SH3BP2: variants seen among roughly 807,000 people sequenced by gnomAD.
SH3BP2 encodes SH3 domain binding protein 2.
A neutral mutation model predicts 56.2 loss-of-function variants in SH3BP2; 38 were observed. The ratio of observed to expected loss-of-function variants is 0.68; its 90% CI spans 0.52 to 0.89. SH3BP2 has a LOEUF of 0.89. Ranked by LOEUF, SH3BP2 falls within the 40% of genes least tolerant of loss-of-function variation. SH3BP2 has a pLI of 0.00. For missense variants in SH3BP2, 748 were observed against 762.6 expected (o/e 0.98, Z 0.23); for synonymous variants, 346 against 316.7 (o/e 1.09, Z -0.98).
chr4:2,828,084 C>T (rs923043972), intron 7 of SH3BP2, among the ~76,000 whole-genome samples: 6 of 149,514 alleles, frequency 4.0e-5, no homozygotes, highest in Non-Finnish European at 8.9e-5. Flanking sequence ...TGTCCACCTA[C>T]CTCCTGCAGC....
chr4:2,820,032 C>G (rs967457221), intron 1 of SH3BP2, among the ~76,000 whole-genome samples: 3 of 152,134 alleles, frequency 2.0e-5, no homozygotes, highest in Non-Finnish European at 4.4e-5. Context: ...AAATGGTGGT[C>G]ACGACCACTG....
chr4:2,813,313 T>G (rs527571899), intron 1 of SH3BP2, among the ~76,000 whole-genome samples: 1 of 152,362 alleles, frequency 6.6e-6, no homozygotes, highest in East Asian at 1.9e-4. Flanking sequence ...CACCATTTAC[T>G]GGCTGTGTGA....
rs1725306120 is a variant in SH3BP2 at position 2,838,367 on chromosome 4, T to G, written c.*4533T>G. Reference sequence around the variant, plus strand: ...GCATTGCAGTATTTTCCTGTTTCTGTGCTTTATCCCCTTGAATCATACAGA... The same window carrying G: ...GCATTGCAGTATTTTCCTGTTTCTGGGCTTTATCCCCTTGAATCATACAGA... On this transcript the variant is annotated 3_prime_UTR_variant, in exon 13 of 13. Coordinates refer to ENST00000503393, the MANE Select transcript of SH3BP2 (RefSeq NM_001122681.2). 2 of 152,384 alleles carry G rather than the reference T, an allele frequency of 1.3e-5. No individual in the cohort carries two copies. The highest frequency in any genetic ancestry group is 2.4e-5 in the African/African-American group (1 of 41,594). 9.4% of individuals were successfully genotyped at this position (152,384 alleles called of 1,614,324 possible).
At chr4:2,820,811 T>C in intron 2 of SH3BP2, 58 bp downstream of exon 2, 2 of 1,537,652 alleles carry the variant, frequency 1.3e-6, no homozygotes, top group Non-Finnish European at 1.8e-6. Context: ...GGGCTAGCCA[T>C]GTAAGTAAGC....
intron 4 of SH3BP2, 40 bp from the exon 5 acceptor site, chr4:2,825,086 C>A: frequency 6.5e-7 from 1 of 1,529,524 alleles, no homozygotes; most frequent in Non-Finnish European, 8.9e-7. Context: ...GGGGCCCACC[C>A]TGGTGGCACC....
At chr4:2,820,788 G>C (rs745551524) in intron 2 of SH3BP2, 35 bp downstream of exon 2, 4 of 1,594,072 alleles carry the variant, frequency 2.5e-6, no homozygotes, top group African/African-American at 1.3e-5. Context: ...CACAGTAGGA[G>C]GGCATGGGGG....
Position 2,832,276 on chromosome 4 carries a change from C to T in SH3BP2, c.1407-55C>T, listed in dbSNP as rs372051269. ...GGCTTGGGAGCGGGGCGGGAAGGTCCGTGTGAAAGCTGCCCGAGGAGGACT... is the reference window on the plus strand; with the variant it reads ...GGCTTGGGAGCGGGGCGGGAAGGTCTGTGTGAAAGCTGCCCGAGGAGGACT... On this transcript the variant is annotated intron_variant, in intron 10 of 12. Transcript: ENST00000503393. 186 of 1,430,624 alleles carry T rather than the reference C, an allele frequency of 1.3e-4. 3 individuals carry two copies. The highest frequency in any genetic ancestry group is 1.2e-3 in the Middle Eastern group (7 of 5,704). The allele number at this position is 1,430,624 out of a possible 1,614,324, so 88.6% of individuals were successfully genotyped here. A position where few individuals can be genotyped will look rare whatever the true frequency, so the allele number is the denominator to read the frequency against.
Position 2,831,702 on chromosome 4 carries a change from G to A in SH3BP2, c.1350+23G>A. On this transcript the variant is annotated intron_variant, in intron 9 of 12. Coordinates refer to ENST00000503393, the MANE Select transcript of SH3BP2 (RefSeq NM_001122681.2). This position sits in a 1 kb window ranked among gnomAD's most constrained non-coding sequence, Gnocchi z 4.1. Reference sequence around the variant, plus strand: ...AAGGCAAGGCTGAGCGGCAAGCCTGGGTCCCAGTGGCCAGTAGGTGGACAG... The same window carrying A: ...AAGGCAAGGCTGAGCGGCAAGCCTGAGTCCCAGTGGCCAGTAGGTGGACAG... 1 of 1,555,218 alleles carries A rather than the reference G, an allele frequency of 6.4e-7. No homozygotes were observed. The highest frequency in any genetic ancestry group is 1.2e-5 in the South Asian group (1 of 86,282).
At chr4:2,812,038 T>G (rs1161746474) in intron 1 of SH3BP2, 1 of 556,836 alleles carries the variant, frequency 1.8e-6, no homozygotes, top group Non-Finnish European at 2.8e-6. Context: ...AGCAGGGAGC[T>G]TCCTCCCAGG....
chr4:2,793,458 A>G (rs1223964461), intron 1 of SH3BP2, among the ~76,000 whole-genome samples: 2 of 144,286 alleles, frequency 1.4e-5, no homozygotes, highest in African/African-American at 5.2e-5. Flanking sequence ...TCCTTGCCAA[A>G]GGACGCACGG....
chr4:2,828,735 T>A (rs1017256582), intron 7 of SH3BP2, among the ~76,000 whole-genome samples: 4 of 152,154 alleles, frequency 2.6e-5, no homozygotes, highest in Admixed American at 1.3e-4. Flanking sequence ...TGTACCCCCT[T>A]CATCCTCTCC....
At chr4:2,813,026 C>T (rs975288200) in intron 1 of SH3BP2, among the ~76,000 whole-genome samples, 6 of 152,182 alleles carry the variant, frequency 3.9e-5, no homozygotes, top group Non-Finnish European at 7.4e-5. Context: ...CCAGGCTGGG[C>T]CACCCTGCCC....
rs184056245 is a variant in SH3BP2 at position 2,802,675 on chromosome 4, A to G, written c.-5+9537A>G. Among the ~76,000 whole-genome samples the G allele has an allele frequency of 2.8e-3, 416 of 145,988 alleles. 4 individuals carry two copies. In the East Asian group the frequency reaches 0.036, roughly 13 times the overall value. On this transcript the variant is annotated intron_variant, in intron 1 of 12. Coordinates refer to ENST00000503393, the MANE Select transcript of SH3BP2 (RefSeq NM_001122681.2). ...TATGTATATGTGTGTGTGTGTGTGT[A>G]TATATATATGTATATATGTATGTAT...
chr4:2,806,575 C>T lies in SH3BP2; in HGVS notation c.-5+13437C>T, dbSNP rs139271881. Among the ~76,000 whole-genome samples the T allele has an allele frequency of 2.8e-3, 428 of 152,124 alleles. 15 individuals carry two copies. The East Asian group carries it at 0.063, about 22-fold the overall frequency. On this transcript the variant is annotated intron_variant, in intron 1 of 12. Transcript: ENST00000503393. Reference sequence around the variant, plus strand: ...GCCGTGGCTTCCCCCAGACCCACCTCGCCTTGCCTCACTTCACTGTCTCCA... The same window carrying T: ...GCCGTGGCTTCCCCCAGACCCACCTTGCCTTGCCTCACTTCACTGTCTCCA...
At chr4:2,813,086 A>G (rs1249146738) in intron 1 of SH3BP2, among the ~76,000 whole-genome samples, 1 of 152,188 alleles carries the variant, frequency 6.6e-6, no homozygotes, top group Non-Finnish European at 1.5e-5. Flanking sequence ...CCTTTACGGG[A>G]GAATTTTGGT....
intron 1 of SH3BP2, among the ~76,000 whole-genome samples, chr4:2,802,494 G>T (rs1331379533): frequency 6.9e-6 from 1 of 145,656 alleles, no homozygotes; most frequent in Non-Finnish European, 1.5e-5. Context: ...ATGTGTATAT[G>T]TATATATATG....
chr4:2,793,898 C>T (rs1722977682), intron 1 of SH3BP2: 3 of 152,464 alleles, frequency 2.0e-5, no homozygotes, highest in Admixed American at 6.5e-5. Flanking sequence ...AGCACTTTCC[C>T]GCTGCTCTGG....
chr4:2,816,191 A>G (rs1003651958), intron 1 of SH3BP2, among the ~76,000 whole-genome samples: 3 of 151,978 alleles, frequency 2.0e-5, no homozygotes, highest in Non-Finnish European at 2.9e-5. Context: ...AATAGCTGGG[A>G]TTACAGGTGC....
At chr4:2,813,340 T>TGTGTGA (rs1723846619) in intron 1 of SH3BP2, among the ~76,000 whole-genome samples, 1 of 152,214 alleles carries the variant, frequency 6.6e-6, no homozygotes, top group Non-Finnish European at 1.5e-5. Flanking sequence ...CCAAGTTTCT[T>TGTGTGA]CGTCAGTGAC....
Sources: gnomAD v4.1 joint callset for allele counts (sites outside exome capture counted in the v4.1 genomes callset) on GRCh38, gnomAD v4.1.1 for gene constraint, Gnocchi (gnomAD v3.1) non-coding constraint, MANE v1.5 for transcripts, NCBI Gene and HGNC (gene_info 2026-07-23, HGNC 2026-07-21) for gene names.